The following SOX5 variants were observed in gnomAD, a reference collection of about 807,000 sequenced individuals.
The protein encoded by SOX5 is SRY-box transcription factor 5, also known as transcription factor SOX-5.
Under a neutral mutation model 92.0 loss-of-function variants are expected in SOX5, and 9 were observed. The ratio of observed to expected loss-of-function variants is 0.10; its 90% CI spans 0.06 to 0.17. The LOEUF is 0.17. SOX5 is among the 10% of genes least tolerant of loss of function. The pLI is 1.00. For synonymous variants in SOX5, 344 were observed against 336.3 expected (o/e 1.02, Z -0.25); for missense variants, 642 against 944.5 (o/e 0.68, Z 4.20).
chr12:24,324,274 G>GA (rs571479771), intron 2 of SOX5, among the ~76,000 whole-genome samples: 56 of 150,712 alleles, frequency 3.7e-4, no homozygotes, highest in South Asian at 1.3e-3. Context: ...TTTTCTGGGT[G>GA]AAAAAAAAAT....
chr12:23,569,394 T>C (rs1235203295), intron 10 of SOX5, among the ~76,000 whole-genome samples: 2 of 152,182 alleles, frequency 1.3e-5, no homozygotes, highest in Non-Finnish European at 2.9e-5. Context: ...AAAGGTTTAA[T>C]TGCATGAGTT....
intron 2 of SOX5, among the ~76,000 whole-genome samples, chr12:24,298,119 C>A (rs778075113): frequency 1.6e-4 from 25 of 152,142 alleles, no homozygotes; most frequent in Non-Finnish European, 3.4e-4. Flanking sequence ...GTCACCCAGG[C>A]TGGAGTGCAG....
At chr12:24,382,244 G>C (rs1192132622) in intron 1 of SOX5, among the ~76,000 whole-genome samples, 2 of 152,192 alleles carry the variant, frequency 1.3e-5, no homozygotes, top group African/African-American at 2.4e-5. Flanking sequence ...TGCCATTTGA[G>C]TCAAGATTGG....
chr12:24,042,086 A>C (rs1376227868), intron 4 of SOX5, among the ~76,000 whole-genome samples: 1 of 152,106 alleles, frequency 6.6e-6, no homozygotes, highest in Non-Finnish European at 1.5e-5. Flanking sequence ...AAGATTAATC[A>C]ATACCTAATT....
At chr12:24,424,997 G>A (rs544902865) in intron 1 of SOX5, among the ~76,000 whole-genome samples, 20 of 152,076 alleles carry the variant, frequency 1.3e-4, no homozygotes, top group South Asian at 1.2e-3. Context: ...CCAGATTAAC[G>A]GTGGAAACAA....
At chr12:23,951,012 C>G, upstream of SOX5, 1 of 711,472 alleles carries the variant, frequency 1.4e-6, no homozygotes, top group South Asian at 1.7e-5. Flanking sequence ...CACTCACTCA[C>G]GCACGCTCTC....
intron 1 of SOX5, among the ~76,000 whole-genome samples, chr12:24,427,338 A>G (rs1442624895): frequency 6.6e-6 from 1 of 152,238 alleles, no homozygotes; most frequent in African/African-American, 2.4e-5. Flanking sequence ...GGTTTAAATC[A>G]CTTATTTAAC....
intron 1 of SOX5, among the ~76,000 whole-genome samples, chr12:23,943,877 C>T (rs1944101691): frequency 6.6e-6 from 1 of 152,012 alleles, no homozygotes; most frequent in Admixed American, 6.6e-5. Context: ...TACTTTCAAG[C>T]TGGGTGACAA....
chr12:24,219,169 G>A (rs74613923), intron 3 of SOX5, among the ~76,000 whole-genome samples: 4,319 of 152,076 alleles, frequency 0.028, 190 homozygotes, highest in African/African-American at 0.098. Flanking sequence ...TTTTGAAAGA[G>A]GGGGAATAAG....
chr12:23,665,191 A>G (rs754138684), intron 7 of SOX5, among the ~76,000 whole-genome samples: 7 of 152,206 alleles, frequency 4.6e-5, no homozygotes, highest in Non-Finnish European at 7.3e-5. Context: ...CACAAATTAC[A>G]TTCATACATT....
intron 3 of SOX5, among the ~76,000 whole-genome samples, chr12:23,837,264 A>ATATATAATATATATTTATATTTATATT (rs2096435995): frequency 1.3e-5 from 1 of 75,212 alleles, no homozygotes; most frequent in Non-Finnish European, 3.2e-5. Context: ...TATTTATATA[A>ATATATAATATATATTTATATTTATATT]TATATAATAT....
chr12:23,950,581 CA>C, upstream of SOX5, among the ~76,000 whole-genome samples: 2 of 152,126 alleles, frequency 1.3e-5, 1 homozygote, highest in East Asian at 3.9e-4. Flanking sequence ...AACATAAAAA[CA>C]AAAAGACGGT....
chr12:23,987,898 T>C (rs1950206423), intron 4 of SOX5, among the ~76,000 whole-genome samples: 1 of 152,088 alleles, frequency 6.6e-6, no homozygotes, highest in Admixed American at 6.5e-5. Flanking sequence ...ATATACATTA[T>C]GAAAAACATC....
rs1478904015 is a variant in SOX5, at chr12:24,235,405, C to T, written c.-76-21988G>A. 1.1e-4 allele frequency among the ~76,000 whole-genome samples: 16 copies of T among 152,218 alleles called. No individual in the cohort carries two copies. The East Asian group carries it at 3.1e-3, about 29-fold the overall frequency. On this transcript the variant is annotated intron_variant, in intron 3 of 4. Transcript: ENST00000446891. ...CCAATTACTAGAGGTCACTGGACTTCAAATATGTGAAGAAAAGTTTCTGGT... is the reference window on the plus strand; with the variant it reads ...CCAATTACTAGAGGTCACTGGACTTTAAATATGTGAAGAAAAGTTTCTGGT...
At chr12:24,479,394 G>A (rs184323980) in intron 1 of SOX5, among the ~76,000 whole-genome samples, 2 of 152,092 alleles carry the variant, frequency 1.3e-5, no homozygotes, top group South Asian at 2.1e-4. Flanking sequence ...TGCTTACCTC[G>A]GCCAAGCACT....
intron 6 of SOX5, among the ~76,000 whole-genome samples, chr12:23,690,170 CA>C (rs1168668485): frequency 6.6e-6 from 1 of 152,108 alleles, no homozygotes; most frequent in East Asian, 1.9e-4. Context: ...TGTCTCTTCC[CA>C]ATTGGGAGGG....
intron 2 of SOX5, among the ~76,000 whole-genome samples, chr12:24,280,427 GTATAT>G (rs1455924934): frequency 6.6e-6 from 1 of 152,096 alleles, no homozygotes; most frequent in Non-Finnish European, 1.5e-5. Context: ...ATAACTTAAA[GTATAT>G]TATATAAAAT....
At chr12:24,067,222 G>C (rs1592835866) in intron 4 of SOX5, among the ~76,000 whole-genome samples, 1 of 152,132 alleles carries the variant, frequency 6.6e-6, no homozygotes, top group South Asian at 2.1e-4. Flanking sequence ...TTTATTTTAT[G>C]TCTCAAATAA....
chr12:23,596,483 C>T (rs1275549064), intron 9 of SOX5, among the ~76,000 whole-genome samples: 1 of 152,132 alleles, frequency 6.6e-6, no homozygotes, highest in Admixed American at 6.5e-5. Context: ...ATATTTAATA[C>T]AGAGAGGGAA....
Sources: allele counts gnomAD v4.1 joint callset (sites outside exome capture counted in the v4.1 genomes callset), GRCh38; gene constraint gnomAD v4.1.1; transcripts MANE v1.5; gene names NCBI Gene and HGNC (gene_info 2026-07-23, HGNC 2026-07-21).